TMEM45A: variants seen among roughly 807,000 people sequenced by gnomAD.
The protein encoded by TMEM45A is transmembrane protein 45A.
A neutral mutation model predicts 32.0 loss-of-function variants in TMEM45A; 25 were observed. The observed-to-expected ratio is 0.78, with a 90% CI of 0.57 to 1.09. The LOEUF is 1.09. Ranked by LOEUF, TMEM45A falls within the 50% of genes least tolerant of loss-of-function variation. The pLI is 0.00. For missense variants in TMEM45A, 302 were observed against 325.0 expected (o/e 0.93, Z 0.54); for synonymous variants, 122 against 114.8 (o/e 1.06, Z -0.40).
chr3:100,542,698 G>A (rs1223533348), intron 1 of TMEM45A, among the ~76,000 whole-genome samples: 1 of 152,174 alleles, frequency 6.6e-6, no homozygotes. Flanking sequence ...GGAATACTAT[G>A]CAACCATAAA....
intron 1 of TMEM45A, among the ~76,000 whole-genome samples, chr3:100,548,151 A>G (rs914541467): frequency 2.6e-5 from 4 of 152,200 alleles, no homozygotes; most frequent in Non-Finnish European, 5.9e-5. Flanking sequence ...GAGCTTTATT[A>G]TCATTCTGGC....
In TMEM45A at chr3:100,577,113, T is replaced by A. The variant is rs1576300436; in HGVS notation, c.*95T>A. The A allele has an allele frequency of 2.4e-5, 23 of 963,910 alleles. No individual in the cohort carries two copies. The East Asian group carries it at 5.7e-4, about 24-fold the overall frequency. 59.7% of individuals were successfully genotyped at this position (963,910 alleles called of 1,614,324 possible). ...ATCTTTTGTTTGGAGAACAGCTGGC[T>A]AAGGATGACTCTAAGTGTACTGTTT... is the stretch of plus-strand genomic sequence containing the variant. On this transcript the variant is annotated 3_prime_UTR_variant, in exon 6 of 6. Transcript: ENST00000323523.
chr3:100,516,216 C>T (rs1418748761), intron 1 of TMEM45A, among the ~76,000 whole-genome samples: 3 of 152,134 alleles, frequency 2.0e-5, no homozygotes, highest in Non-Finnish European at 4.4e-5. Context: ...TACTCCTGGA[C>T]ATGATAGTAG....
At chr3:100,532,368 C>A (rs1450195116) in intron 1 of TMEM45A, among the ~76,000 whole-genome samples, 2 of 152,152 alleles carry the variant, frequency 1.3e-5, no homozygotes, top group African/African-American at 4.8e-5. Flanking sequence ...ACTGTAACAA[C>A]TTTTTGGAAA....
At chr3:100,550,556 G>A (rs939346478) in intron 1 of TMEM45A, among the ~76,000 whole-genome samples, 2 of 152,160 alleles carry the variant, frequency 1.3e-5, no homozygotes, top group African/African-American at 2.4e-5. Context: ...TCTCATAATG[G>A]TATTCATTTT....
intron 1 of TMEM45A, among the ~76,000 whole-genome samples, chr3:100,497,967 C>T (rs1707954420): frequency 1.3e-5 from 2 of 152,252 alleles, no homozygotes; most frequent in South Asian, 4.1e-4. Context: ...CCCACCCAAA[C>T]CTCATCTTAA....
chr3:100,495,895 A>G (rs1707917502), intron 1 of TMEM45A, among the ~76,000 whole-genome samples: 1 of 152,236 alleles, frequency 6.6e-6, no homozygotes, highest in African/African-American at 2.4e-5. Context: ...ATACACGCCC[A>G]TAGTGTATGC....
chr3:100,556,505 A>G (rs1440337357), intron 2 of TMEM45A, among the ~76,000 whole-genome samples: 1 of 152,242 alleles, frequency 6.6e-6, no homozygotes, highest in Admixed American at 6.5e-5. Context: ...AACTAAGATC[A>G]TTGGCATTGA....
intron 1 of TMEM45A, among the ~76,000 whole-genome samples, chr3:100,497,201 A>G (rs568398090): frequency 7.2e-4 from 109 of 152,312 alleles, no homozygotes; most frequent in African/African-American, 2.5e-3. Context: ...TTGAAGTCAG[A>G]CTGTGAGGGT....
intron 1 of TMEM45A, among the ~76,000 whole-genome samples, chr3:100,496,968 T>C (rs1225022930): frequency 2.0e-5 from 3 of 152,208 alleles, no homozygotes; most frequent in Non-Finnish European, 4.4e-5. Context: ...GCTGTGGTTT[T>C]GGGCTAAGAA....
At chr3:100,545,777 G>A (rs1705968945) in intron 1 of TMEM45A, among the ~76,000 whole-genome samples, 1 of 152,134 alleles carries the variant, frequency 6.6e-6, no homozygotes, top group African/African-American at 2.4e-5. Flanking sequence ...CAGACTGTAA[G>A]CCCTTTCATG....
intron 1 of TMEM45A, among the ~76,000 whole-genome samples, chr3:100,514,438 A>C (rs1313248395): frequency 6.6e-6 from 1 of 152,134 alleles, no homozygotes; most frequent in Non-Finnish European, 1.5e-5. Flanking sequence ...GAAAGCTGAA[A>C]CTGGATCCCT....
At chr3:100,538,372 A>C (rs1455490759) in intron 1 of TMEM45A, among the ~76,000 whole-genome samples, 2 of 65,612 alleles carry the variant, frequency 3.0e-5, no homozygotes, top group Non-Finnish European at 8.5e-5. Flanking sequence ...ACAAAACAAA[A>C]CAAACAGAAA....
chr3:100,568,453 A>G lies in TMEM45A; in HGVS notation c.589-369A>G, dbSNP rs1706488652. On this transcript the variant is annotated intron_variant, in intron 4 of 5. Transcript: ENST00000323523. ...AGATTTCAGTCTTTTACCATTAAAT[A>G]TAATGTTAACTGTGGGCATTTATTT... 2.0e-5 allele frequency among the ~76,000 whole-genome samples: 3 copies of G among 152,202 alleles called. No individual in the cohort carries two copies. The South Asian group carries it at 6.2e-4, about 32-fold the overall frequency.
Position 100,576,811 on chromosome 3 carries a change from G to A in TMEM45A, c.735-114G>A, listed in dbSNP as rs148750431. On this transcript the variant is annotated intron_variant, in intron 5 of 5. Transcript: ENST00000323523. ...AAATAAAAGTAATTTTCCTTTTTGG[G>A]TTGCCTTCCCCAGTTGCCCAAATAA... 5.6e-4 allele frequency: 471 copies of A among 835,070 alleles called. 1 individual carries two copies. Among genetic ancestry groups the A allele is most frequent in the South Asian group, 2.1e-3 (136 of 66,000 alleles). The allele number at this position is 835,070 out of a possible 1,614,324, so 51.7% of individuals were successfully genotyped here. A position where few individuals can be genotyped will look rare whatever the true frequency, so the allele number is the denominator to read the frequency against.
intron 1 of TMEM45A, among the ~76,000 whole-genome samples, chr3:100,514,185 A>G (rs1464939919): frequency 1.3e-5 from 2 of 152,230 alleles, no homozygotes; most frequent in Non-Finnish European, 2.9e-5. Context: ...CTAAGCCAAA[A>G]GAACAAAGCT....
At chr3:100,533,711 T>C (rs1705691951) in intron 1 of TMEM45A, among the ~76,000 whole-genome samples, 1 of 152,102 alleles carries the variant, frequency 6.6e-6, no homozygotes, top group Non-Finnish European at 1.5e-5. Context: ...CTGGAGAGCT[T>C]TGAGGCATTT....
chr3:100,561,954 A>G (rs1308555905), intron 4 of TMEM45A, among the ~76,000 whole-genome samples: 2 of 152,200 alleles, frequency 1.3e-5, no homozygotes, highest in African/African-American at 2.4e-5. Flanking sequence ...AGGCCCAACT[A>G]AGCAGTAATG....
At chr3:100,551,893 CT>C (rs1207540058) in intron 1 of TMEM45A, among the ~76,000 whole-genome samples, 1 of 152,092 alleles carries the variant, frequency 6.6e-6, no homozygotes, top group Non-Finnish European at 1.5e-5. Context: ...AGCTCATATT[CT>C]TCTTCACAAA....
Sources: allele counts gnomAD v4.1 joint callset (sites outside exome capture counted in the v4.1 genomes callset), GRCh38; gene constraint gnomAD v4.1.1; transcripts MANE v1.5; gene names NCBI Gene and HGNC (gene_info 2026-07-23, HGNC 2026-07-21).